The following GREM2 variants were observed in gnomAD, a reference collection of about 807,000 sequenced individuals.
GREM2 encodes gremlin-2.
GREM2 carries 11 observed loss-of-function variants against 14.2 expected under a neutral mutation model. The ratio of observed to expected loss-of-function variants is 0.78; its 90% confidence interval spans 0.49 to 1.28. The LOEUF (loss-of-function observed/expected upper bound fraction) is 1.28. GREM2 is among the 50% of genes most tolerant of loss of function. GREM2 has a pLI of 0.00. For missense variants in GREM2, 210 were observed against 218.5 expected, an observed-to-expected ratio of 0.96 and a Z score of 0.24; for synonymous variants, 98 against 97.6, an observed-to-expected ratio of 1.00 and a Z score of -0.02.
chr1:240,578,191 T>C (rs1227779028), intron 1 of GREM2, among the ~76,000 whole-genome samples: 1 of 152,162 alleles, frequency 6.6e-6, no homozygotes, highest in African/African-American at 2.4e-5. Flanking sequence ...AGTGGTGCAA[T>C]CTCGGCTCAC....
intron 1 of GREM2, among the ~76,000 whole-genome samples, chr1:240,559,971 T>C (rs926126066): frequency 5.9e-5 from 9 of 152,136 alleles, no homozygotes; most frequent in Non-Finnish European, 1.2e-4. Flanking sequence ...AAGTGCTTTA[T>C]GCAGTGAGTC....
rs184348005 is a variant in GREM2, at chr1:240,492,282, G to C, written c.*687C>G. The C allele has an allele frequency of 0.023, 9,995 of 436,804 alleles. 250 individuals carry two copies. Among genetic ancestry groups the C allele is most frequent in the African/African-American group, 0.085 (4,201 of 49,632 alleles). 27.1% of individuals were successfully genotyped at this position (436,804 alleles called of 1,614,324 possible). A position where few individuals can be genotyped will look rare whatever the true frequency, so the allele number is the denominator to read the frequency against. On this transcript the variant is annotated 3_prime_UTR_variant, in exon 2 of 2. Coordinates refer to ENST00000318160, the MANE Select transcript of GREM2 (RefSeq NM_022469.4). ...GGGCGGGGACAGTGAGGAAGAAGAG[G>C]CGGTGGGGACTTGAGGATGGGGGAT... is the stretch of plus-strand genomic sequence containing the variant.
In GREM2 at chr1:240,493,471, A is replaced by T; in HGVS notation, c.5T>A (p.Phe2Tyr). 6.2e-7 allele frequency: 1 copy of T among 1,601,960 alleles called. No homozygotes were observed. The highest frequency in any genetic ancestry group is 8.5e-7 in the Non-Finnish European group (1 of 1,173,508). M[F>Y]WKLSLSLFLV... ...GAACAAGGACAGGGAAAGCTTCCAGAACATCCTGCAAACGAGAAAAGAGAG... is the reference window on the plus strand; with the variant it reads ...GAACAAGGACAGGGAAAGCTTCCAGTACATCCTGCAAACGAGAAAAGAGAG... Residue 2 changes from phenylalanine (F) to tyrosine (Y), a missense_variant, in exon 2 of 2, where the codon TTC becomes TAC. Transcript: ENST00000318160.
intron 1 of GREM2, among the ~76,000 whole-genome samples, chr1:240,575,591 G>A (rs1324914112): frequency 6.6e-6 from 1 of 151,504 alleles, no homozygotes; most frequent in East Asian, 1.9e-4. Flanking sequence ...CACGATCTTG[G>A]CTCACTGCAA....
chr1:240,520,732 G>A (rs992398959), intron 1 of GREM2, among the ~76,000 whole-genome samples: 1 of 151,740 alleles, frequency 6.6e-6, no homozygotes, highest in Admixed American at 6.6e-5. Context: ...TAGTAGAGAC[G>A]AGATTTCACC....
intron 1 of GREM2, among the ~76,000 whole-genome samples, chr1:240,590,294 C>T (rs2102863243): frequency 6.6e-6 from 1 of 152,264 alleles, no homozygotes; most frequent in East Asian, 1.9e-4. Flanking sequence ...GATAGCTTGC[C>T]AGTTTTTGCA....
intron 1 of GREM2, among the ~76,000 whole-genome samples, chr1:240,550,837 A>G (rs1031490094): frequency 2.0e-5 from 3 of 152,236 alleles, no homozygotes; most frequent in African/African-American, 7.2e-5. Flanking sequence ...TTGTGCTGAC[A>G]TATCCAATCA....
At chr1:240,545,258 G>A (rs193025666) in intron 1 of GREM2, among the ~76,000 whole-genome samples, 50 of 152,314 alleles carry the variant, frequency 3.3e-4, no homozygotes, top group African/African-American at 1.0e-3. Context: ...TTAAGCCTCC[G>A]CAAAACCCCC....
chr1:240,521,552 C>G (rs764696528), intron 1 of GREM2, among the ~76,000 whole-genome samples: 46 of 151,924 alleles, frequency 3.0e-4, no homozygotes, highest in South Asian at 2.1e-4. Context: ...GCCTGGGCGA[C>G]AGTGTGAGAC....
Position 240,492,870 on chromosome 1 carries a change from G to A in GREM2, c.*99C>T. 2.5e-6 allele frequency: 3 copies of A among 1,179,116 alleles called. No homozygotes were observed. The highest frequency in any genetic ancestry group is 3.3e-6 in the Non-Finnish European group (3 of 918,730). 73.0% of individuals were successfully genotyped at this position (1,179,116 alleles called of 1,614,324 possible). On this transcript the variant is annotated 3_prime_UTR_variant, in exon 2 of 2. Coordinates refer to ENST00000318160, the MANE Select transcript of GREM2 (RefSeq NM_022469.4). ...TGCTTGCTGCTGAGGGGGAACACCA[G>A]GCAGCGTGACAGTGGGCTCGGAGGG...
intron 1 of GREM2, among the ~76,000 whole-genome samples, chr1:240,568,531 A>T (rs1310152282): frequency 6.6e-6 from 1 of 152,172 alleles, no homozygotes; most frequent in East Asian, 1.9e-4. Context: ...CTTAAAAGAA[A>T]GATCTTTCTA....
chr1:240,549,122 G>A (rs773291349), intron 1 of GREM2, among the ~76,000 whole-genome samples: 4 of 152,076 alleles, frequency 2.6e-5, no homozygotes, highest in Non-Finnish European at 5.9e-5. Context: ...GATCACCTGA[G>A]GTCGGGAGTT....
chr1:240,566,465 G>A (rs1216082033), intron 1 of GREM2, among the ~76,000 whole-genome samples: 1 of 152,126 alleles, frequency 6.6e-6, no homozygotes, highest in Admixed American at 6.5e-5. Context: ...GGAAACTGAG[G>A]TGGAGCCTGA....
chr1:240,561,913 T>A (rs181053779), intron 1 of GREM2, among the ~76,000 whole-genome samples: 1 of 152,294 alleles, frequency 6.6e-6, no homozygotes, highest in East Asian at 1.9e-4. Flanking sequence ...AAATTGAGGG[T>A]TCAGCGTTGG....
At chr1:240,548,900 C>T (rs376149400) in intron 1 of GREM2, among the ~76,000 whole-genome samples, 8 of 152,258 alleles carry the variant, frequency 5.3e-5, no homozygotes, top group South Asian at 4.1e-4. Flanking sequence ...AATAAAGAAA[C>T]GGATTTTAGG....
intron 1 of GREM2, among the ~76,000 whole-genome samples, chr1:240,590,078 G>A (rs561670089): frequency 1.1e-4 from 16 of 152,302 alleles, no homozygotes; most frequent in African/African-American, 3.1e-4. Flanking sequence ...GTGCCTGGGA[G>A]TTTCCTTTTG....
At chr1:240,532,332 C>T (rs7525491) in intron 1 of GREM2, among the ~76,000 whole-genome samples, 32,717 of 151,992 alleles carry the variant, frequency 0.22, 3,740 homozygotes, top group South Asian at 0.3. Context: ...GATCCACCTG[C>T]CTCGGCCTCC....
At chr1:240,512,901 A>G (rs1488846257) in intron 1 of GREM2, among the ~76,000 whole-genome samples, 2 of 152,186 alleles carry the variant, frequency 1.3e-5, no homozygotes, top group Non-Finnish European at 2.9e-5. Context: ...TTTCAAGGAG[A>G]TGTAAATTAA....
At chr1:240,567,124 A>G (rs1284593971) in intron 1 of GREM2, among the ~76,000 whole-genome samples, 1 of 152,232 alleles carries the variant, frequency 6.6e-6, no homozygotes, top group Non-Finnish European at 1.5e-5. Flanking sequence ...AAAGTTGAAG[A>G]CATAGCAACA....
Sources: gnomAD v4.1 joint callset for allele counts (sites outside exome capture counted in the v4.1 genomes callset) on GRCh38, gnomAD v4.1.1 for gene constraint, MANE v1.5 for transcripts, NCBI Gene and HGNC (gene_info 2026-07-23, HGNC 2026-07-21) for gene names.